LRRC4B: variants seen among roughly 807,000 people sequenced by gnomAD.
LRRC4B encodes leucine-rich repeat-containing protein 4B.
LRRC4B carries 1 observed loss-of-function variant against 7.3 expected under a neutral mutation model. The ratio of observed to expected loss-of-function variants is 0.14; its 90% CI spans 0.05 to 0.65. LRRC4B has a LOEUF of 0.65. Ranked by LOEUF, LRRC4B falls within the 30% of genes least tolerant of loss-of-function variation. The pLI, the probability that LRRC4B is intolerant of heterozygous loss-of-function variation, is 0.84. For synonymous variants in LRRC4B, 500 were observed against 499.2 expected (o/e 1.00, Z -0.02); for missense variants, 730 against 1,041.6 (o/e 0.70, Z 4.12).
chr19:50,547,990 C>G (rs1981885952), intron 2 of LRRC4B, among the ~76,000 whole-genome samples: 1 of 152,098 alleles, frequency 6.6e-6, no homozygotes, highest in Non-Finnish European at 1.5e-5. Context: ...GGCAAATGAC[C>G]ATGGAAACGC....
intron 2 of LRRC4B, among the ~76,000 whole-genome samples, chr19:50,539,748 G>GT (rs1275096514): frequency 2.0e-5 from 3 of 151,868 alleles, no homozygotes; most frequent in African/African-American, 7.3e-5. Context: ...TCAGCAGGGC[G>GT]TGGTGGCAGG....
Position 50,538,559 on chromosome 19 carries a change from G to GTTTT in LRRC4B, c.297+9979_297+9982dup, listed in dbSNP as rs71886675. On this transcript the variant is annotated intron_variant, in intron 2 of 2. Transcript: ENST00000652263. ...ATTTGGTTAGTTTGGGTTTTGTCTTGTTTTTTTTTTTTTTTTTTTTTTTTT... is the reference window on the plus strand; with the variant it reads ...ATTTGGTTAGTTTGGGTTTTGTCTTGTTTTTTTTTTTTTTTTTTTTTTTTTTTTT... Among the ~76,000 whole-genome samples the GTTTT allele has an allele frequency of 1.4e-3, 128 of 90,338 alleles. 5 individuals are homozygous for GTTTT. Among genetic ancestry groups the GTTTT allele is most frequent in the Non-Finnish European group, 2.6e-3 (112 of 42,652 alleles). The allele number at this position is 90,338 out of a possible 152,430, so 59.3% of individuals were successfully genotyped here. A position where few individuals can be genotyped will look rare whatever the true frequency, so the allele number is the denominator to read the frequency against.
intron 1 of LRRC4B, among the ~76,000 whole-genome samples, chr19:50,551,488 C>CCCA (rs1378053312): frequency 6.9e-6 from 1 of 145,772 alleles, no homozygotes; most frequent in Non-Finnish European, 1.5e-5. Flanking sequence ...TCTCCCCCGA[C>CCCA]CGCAGCCTCC....
rs1477767465 is a variant in LRRC4B, at chr19:50,563,961, T to C, written c.-36+3983A>G. 6.6e-6 allele frequency among the ~76,000 whole-genome samples: 1 copy of C among 151,698 alleles called. No homozygotes were observed. The highest frequency in any genetic ancestry group is 2.4e-5 in the African/African-American group (1 of 41,246). On this transcript the variant is annotated intron_variant, in intron 1 of 2. Coordinates refer to ENST00000652263, the MANE Select transcript of LRRC4B (RefSeq NM_001080457.2). This position sits in a 1 kb window ranked among gnomAD's most constrained non-coding sequence, Gnocchi z 4.9. The stretch of plus-strand genomic sequence containing the variant: ...AGTGAGGCTTGGAGTTAGGGCAAAC[T>C]GATGGGGGGATGAAGGAGGAGGGGC...
intron 1 of LRRC4B, among the ~76,000 whole-genome samples, chr19:50,560,702 TG>T (rs1426248599): frequency 6.6e-6 from 1 of 152,206 alleles, no homozygotes; most frequent in Non-Finnish European, 1.5e-5. Flanking sequence ...CCTTGCAGTC[TG>T]TGAAGATAAT....
intron 1 of LRRC4B, among the ~76,000 whole-genome samples, chr19:50,557,323 C>G (rs1433553814): frequency 6.6e-6 from 1 of 152,186 alleles, no homozygotes; most frequent in African/African-American, 2.4e-5. Context: ...ACAGGCCCCC[C>G]AGCCCCAATC....
rs776655225 is a variant in LRRC4B at position 50,519,270 on chromosome 19, G to A, written c.443C>T (p.Thr148Met). 4.3e-6 allele frequency: 7 copies of A among 1,614,070 alleles called. No homozygotes were observed. The highest frequency in any genetic ancestry group is 5.9e-6 in the Non-Finnish European group (7 of 1,180,032). The change falls in exon 3 of 3, where the codon ACG becomes ATG. Residue 148 changes from threonine (T) to methionine (M), a missense_variant. Physicochemically the swap from Thr to Met is moderately conservative, Grantham distance 81. Around this residue, in one of 6 missense-constraint regions of LRRC4B, gnomAD observed 226 missense variants for 448.0 expected, o/e 0.50. Coordinates refer to ENST00000652263, the MANE Select transcript of LRRC4B (RefSeq NM_001080457.2). The surrounding 1 kb of genome is among the most constrained non-coding windows in gnomAD (Gnocchi z 8.1). ...TLELFDNRLT[T>M]VPTQAFEYLS... The stretch of plus-strand genomic sequence containing the variant: ...GTACTCGAAGGCCTGCGTGGGCACC[G>A]TGGTCAGCCGGTTGTCAAAAAGCTC...
At position 50,549,679 on chromosome 19, in the gene LRRC4B, G is replaced by A. The variant is rs1262635375; in HGVS notation, c.-35-806C>T. Among the ~76,000 whole-genome samples the A allele has an allele frequency of 3.3e-5, 5 of 152,282 alleles. No individual in the cohort carries two copies. In the South Asian group the frequency reaches 1.0e-3, roughly 31 times the overall value. ...AGGGAGGGCTGGGAGGCAGCAGGGT[G>A]AAGAGGGAGGAGACTGGAGCTTGTG... is the stretch of plus-strand genomic sequence containing the variant. On this transcript the variant is annotated intron_variant, in intron 1 of 2. Coordinates refer to ENST00000652263, the MANE Select transcript of LRRC4B (RefSeq NM_001080457.2).
intron 2 of LRRC4B, among the ~76,000 whole-genome samples, chr19:50,531,294 G>C (rs547408208): frequency 6.6e-6 from 1 of 152,232 alleles, no homozygotes; most frequent in East Asian, 1.9e-4. Context: ...CAGGGCTGCC[G>C]GTCCCGGGGA....
intron 2 of LRRC4B, among the ~76,000 whole-genome samples, chr19:50,539,811 C>G (rs113063924): frequency 1.3e-5 from 2 of 150,578 alleles, no homozygotes; most frequent in African/African-American, 2.4e-5. Context: ...TGCTTGAACC[C>G]GAGAGGTGGA....
intron 2 of LRRC4B, among the ~76,000 whole-genome samples, chr19:50,525,848 G>A (rs1980788472): frequency 6.6e-6 from 1 of 151,940 alleles, no homozygotes; most frequent in African/African-American, 2.4e-5. Flanking sequence ...TCAGCCCTCT[G>A]CCTCTCCCAC....
intron 2 of LRRC4B, among the ~76,000 whole-genome samples, chr19:50,531,230 CA>C (rs752922672): frequency 3.3e-5 from 5 of 152,248 alleles, no homozygotes; most frequent in Non-Finnish European, 5.9e-5. Context: ...AGGTGAGCAT[CA>C]CACGTCATTT....
chr19:50,518,888 G>A lies in LRRC4B; in HGVS notation c.825C>T (p.Asp275=). The A allele has an allele frequency of 8.7e-6, 14 of 1,614,086 alleles. No homozygotes were observed. The highest frequency in any genetic ancestry group is 1.1e-5 in the Non-Finnish European group (13 of 1,179,992). Residue 275 remains aspartate, a synonymous_variant, in exon 3 of 3, where the codon GAC becomes GAT. Coordinates refer to ENST00000652263, the MANE Select transcript of LRRC4B (RefSeq NM_001080457.2). The stretch of plus-strand genomic sequence containing the variant: ...GGTTGAGCTCCTCCAGCGACTTGAG[G>A]TCGTCGAAGGCGTTGCGCTCGATGG... ...VATIERNAFD[D]LKSLEELNLS...
intron 2 of LRRC4B, among the ~76,000 whole-genome samples, chr19:50,536,038 A>G (rs1160879645): frequency 6.6e-6 from 1 of 151,878 alleles, no homozygotes; most frequent in Non-Finnish European, 1.5e-5. Context: ...ATGGGCCTAC[A>G]CCGCTTCCTG....
chr19:50,518,519 C>A lies in LRRC4B; in HGVS notation c.1194G>T (p.Thr398=). The A allele has an allele frequency of 6.4e-7, 1 of 1,570,124 alleles. No individual in the cohort carries two copies. ...GTSMTSVNWL[T]PNGTLMTHGS... ...CGTGGGTCATGAGGGTGCCGTTGGG[C>A]GTCAGCCAGTTGACGGAGGTCATGG... Residue 398 remains threonine (T), a synonymous_variant, in exon 3 of 3, where the codon ACG becomes ACT. Coordinates refer to ENST00000652263, the MANE Select transcript of LRRC4B (RefSeq NM_001080457.2).
intron 2 of LRRC4B, among the ~76,000 whole-genome samples, chr19:50,542,339 C>A (rs895269632): frequency 6.6e-6 from 1 of 152,152 alleles, no homozygotes; most frequent in Admixed American, 6.6e-5. Flanking sequence ...GGGGCCAGGG[C>A]ATGTGAGCTG....
rs933629770 is a variant in LRRC4B at position 50,556,030 on chromosome 19, G to A, written c.-35-7157C>T. 1.3e-5 allele frequency among the ~76,000 whole-genome samples: 2 copies of A among 152,152 alleles called. No individual in the cohort carries two copies. The highest frequency in any genetic ancestry group is 2.9e-5 in the Non-Finnish European group (2 of 68,022). On this transcript the variant is annotated intron_variant, in intron 1 of 2. Coordinates refer to ENST00000652263, the MANE Select transcript of LRRC4B (RefSeq NM_001080457.2). This position sits in a 1 kb window ranked among gnomAD's most constrained non-coding sequence, Gnocchi z 4.2. ...GGGACAGGCAGCGCTGGCGTTCTGA[G>A]CCAATCCATGTCCTGAATGCTTTCA...
intron 2 of LRRC4B, among the ~76,000 whole-genome samples, chr19:50,530,864 G>A (rs1171540822): frequency 1.3e-5 from 2 of 148,934 alleles, no homozygotes; most frequent in Non-Finnish European, 3.0e-5. Context: ...AGCCTCCCAA[G>A]TAGCTGGGAC....
At chr19:50,551,907 C>T (rs568653698) in intron 1 of LRRC4B, among the ~76,000 whole-genome samples, 3 of 145,560 alleles carry the variant, frequency 2.1e-5, no homozygotes, top group East Asian at 4.7e-4. Flanking sequence ...ACGGGGAGGG[C>T]GCCTCTCCTC....
Sources: gnomAD v4.1 joint callset for allele counts (sites outside exome capture counted in the v4.1 genomes callset) on GRCh38, gnomAD v4.1.1 for gene constraint, gnomAD v4.1.1 regional missense constraint, Gnocchi (gnomAD v3.1) non-coding constraint, MANE v1.5 for transcripts, NCBI Gene and HGNC (gene_info 2026-07-23, HGNC 2026-07-21) for gene names.